The following ADAM12 variants were observed in gnomAD, a reference collection of about 807,000 sequenced individuals.
ADAM12 encodes ADAM metallopeptidase domain 12.
A neutral mutation model predicts 106.4 loss-of-function variants in ADAM12; 70 were observed. The observed-to-expected ratio is 0.66, with a 90% CI of 0.54 to 0.80. The LOEUF (loss-of-function observed/expected upper bound fraction) is 0.80. ADAM12 is among the 30% of genes least tolerant of loss of function. The probability of loss-of-function intolerance (pLI) is 0.00; values close to 1 mark genes in which losing one functional copy is unlikely to be tolerated. For synonymous variants in ADAM12, 420 were observed against 433.5 expected (o/e 0.97, Z 0.39); for missense variants, 1,010 against 1,171.9 (o/e 0.86, Z 2.02).
chr10:126,281,499 G>A (rs1208836143), intron 2 of ADAM12, among the ~76,000 whole-genome samples: 2 of 152,208 alleles, frequency 1.3e-5, no homozygotes, highest in African/African-American at 4.8e-5. Flanking sequence ...AGAGTCCAAT[G>A]TCAACATCTT....
intron 3 of ADAM12, among the ~76,000 whole-genome samples, chr10:126,203,115 G>C (rs376723837): frequency 1.3e-5 from 2 of 152,260 alleles, no homozygotes; most frequent in African/African-American, 4.8e-5. Context: ...TGGAGACAGC[G>C]ATGGTCAGGT....
chr10:126,138,437 C>T (rs372437336), intron 4 of ADAM12, among the ~76,000 whole-genome samples: 19 of 152,238 alleles, frequency 1.2e-4, no homozygotes, highest in East Asian at 1.2e-3. Flanking sequence ...TGCAGTGGCA[C>T]GATCTCGGCT....
intron 21 of ADAM12, among the ~76,000 whole-genome samples, chr10:126,035,358 A>T (rs564246580): frequency 7.2e-5 from 11 of 152,304 alleles, no homozygotes; most frequent in African/African-American, 2.6e-4. Flanking sequence ...ACATCAATAC[A>T]TGCCCAATAA....
intron 11 of ADAM12, among the ~76,000 whole-genome samples, chr10:126,089,752 C>T (rs1300552547): frequency 6.6e-6 from 1 of 151,984 alleles, no homozygotes; most frequent in East Asian, 1.9e-4. Context: ...AGCAAGGTGT[C>T]CCCACAGCGC....
intron 1 of ADAM12, among the ~76,000 whole-genome samples, chr10:126,333,134 G>A (rs780164285): frequency 5.9e-5 from 9 of 152,190 alleles, no homozygotes; most frequent in African/African-American, 1.9e-4. Context: ...CAAAGCGATC[G>A]CGAGCATTTT....
chr10:126,288,333 A>G (rs1212488692), intron 2 of ADAM12, among the ~76,000 whole-genome samples: 1 of 152,126 alleles, frequency 6.6e-6, no homozygotes, highest in African/African-American at 2.4e-5. Flanking sequence ...CAAATGACCA[A>G]TGAATGCATG....
chr10:126,040,559 C>G (rs1433521848), intron 18 of ADAM12, among the ~76,000 whole-genome samples: 1 of 152,136 alleles, frequency 6.6e-6, no homozygotes, highest in African/African-American at 2.4e-5. Flanking sequence ...GCAAGACAGC[C>G]AACAGATGAC....
At chr10:126,144,735 G>A (rs1174583898) in intron 4 of ADAM12, among the ~76,000 whole-genome samples, 1 of 152,212 alleles carries the variant, frequency 6.6e-6, no homozygotes, top group Non-Finnish European at 1.5e-5. Flanking sequence ...TCTGTTCTCA[G>A]AATCTACAAG....
chr10:126,174,008 ATTTTTTTTTT>A (rs200354475), intron 3 of ADAM12, among the ~76,000 whole-genome samples: 7 of 90,470 alleles, frequency 7.7e-5, no homozygotes, highest in East Asian at 2.6e-4. Flanking sequence ...TCTGTTGTTG[ATTTTTTTTTT>A]TTTTTTTTTT....
At chr10:126,346,547 G>A (rs1411022880) in intron 1 of ADAM12, among the ~76,000 whole-genome samples, 1 of 152,202 alleles carries the variant, frequency 6.6e-6, no homozygotes, top group Admixed American at 6.5e-5. Flanking sequence ...TCCACTTGGT[G>A]CAGAGCTGAG....
chr10:126,232,799 G>T (rs979065065), intron 3 of ADAM12, among the ~76,000 whole-genome samples: 1 of 152,154 alleles, frequency 6.6e-6, no homozygotes, highest in African/African-American at 2.4e-5. Context: ...TGAAAATGAT[G>T]AGGGTTAGAA....
intron 3 of ADAM12, among the ~76,000 whole-genome samples, chr10:126,228,013 G>A (rs1210853196): frequency 1.3e-5 from 2 of 152,104 alleles, no homozygotes; most frequent in African/African-American, 4.8e-5. Flanking sequence ...ATCAGGGTAT[G>A]TCTGGGTGGA....
intron 10 of ADAM12, 152 bp from the exon 11 acceptor site, chr10:126,094,285 T>A: frequency 1.2e-6 from 1 of 819,592 alleles, no homozygotes; most frequent in Non-Finnish European, 1.8e-6. Flanking sequence ...TCATTTAGTT[T>A]AAACTTAAAA....
chr10:126,267,532 G>A (rs897278091), intron 3 of ADAM12, among the ~76,000 whole-genome samples: 2 of 152,120 alleles, frequency 1.3e-5, no homozygotes, highest in Admixed American at 6.5e-5. Flanking sequence ...TAAGGAGCAG[G>A]CAGCCTAGAT....
Position 126,088,543 on chromosome 10 carries a change from A to T in ADAM12, c.1145+5442T>A, listed in dbSNP as rs559609670. Among the ~76,000 whole-genome samples the T allele has an allele frequency of 1.4e-3, 105 of 73,656 alleles. 2 individuals are homozygous for T. The East Asian group carries it at 0.047, about 33-fold the overall frequency. The allele number at this position is 73,656 out of a possible 152,430, so 48.3% of individuals were successfully genotyped here. On this transcript the variant is annotated intron_variant, in intron 11 of 22. Coordinates refer to ENST00000448723, the MANE Select transcript of ADAM12 (RefSeq NM_001288973.2). ...TGATGAAACCCCATCTCTATTAAATATACCAAAAAAAAAAAAATTAGCTGG... is the reference window on the plus strand; with the variant it reads ...TGATGAAACCCCATCTCTATTAAATTTACCAAAAAAAAAAAAATTAGCTGG...
intron 4 of ADAM12, 60 bp downstream of exon 4, chr10:126,155,166 CA>C: frequency 6.4e-7 from 1 of 1,571,472 alleles, no homozygotes; most frequent in Non-Finnish European, 8.7e-7. Context: ...AAAATGGCTA[CA>C]AAGGTTAAGC....
chr10:126,219,732 C>T (rs938167386), intron 3 of ADAM12, among the ~76,000 whole-genome samples: 1 of 152,162 alleles, frequency 6.6e-6, no homozygotes, highest in Non-Finnish European at 1.5e-5. Context: ...GTTAAACCAT[C>T]CATTTAACGG....
At chr10:126,092,428 C>A (rs1413443269) in intron 11 of ADAM12, among the ~76,000 whole-genome samples, 9 of 152,188 alleles carry the variant, frequency 5.9e-5, no homozygotes, top group Non-Finnish European at 1.3e-4. Context: ...CTTGGCCCAA[C>A]CTTATACCCT....
intron 1 of ADAM12, among the ~76,000 whole-genome samples, chr10:126,373,662 CATT>C: frequency 6.6e-6 from 1 of 152,332 alleles, no homozygotes; most frequent in Middle Eastern, 3.4e-3. Flanking sequence ...CCCAAAGAAT[CATT>C]ATCAGAGATG....
Sources: allele counts gnomAD v4.1 joint callset (sites outside exome capture counted in the v4.1 genomes callset), GRCh38; gene constraint gnomAD v4.1.1; transcripts MANE v1.5; gene names NCBI Gene and HGNC (gene_info 2026-07-23, HGNC 2026-07-21).